Variants in SORCS3 observed in about 807,000 individuals in gnomAD.
The protein encoded by SORCS3 is VPS10 domain-containing receptor SorCS3.
Under a neutral mutation model 146.3 loss-of-function variants are expected in SORCS3, and 57 were observed. The observed-to-expected ratio is 0.39, with a 90% CI of 0.31 to 0.49. SORCS3 has a LOEUF of 0.49. Among genes scored for constraint, SORCS3 ranks in the 20% least tolerant of loss-of-function variants. The pLI, the probability that SORCS3 is intolerant of heterozygous loss-of-function variation, is 0.92. For missense variants in SORCS3, 1,341 were observed against 1,575.5 expected, an observed-to-expected ratio of 0.85 and a Z score of 2.52; for synonymous variants, 653 against 618.5, an observed-to-expected ratio of 1.06 and a Z score of -0.83.
chr10:105,089,711 A>C (rs1481453485), intron 5 of SORCS3, 64 bp from the exon 6 acceptor site: 1 of 1,343,270 alleles, frequency 7.4e-7, no homozygotes, highest in Non-Finnish European at 1.1e-6. Context: ...CCCTGAGTGC[A>C]TCCCACTTTG....
intron 8 of SORCS3, among the ~76,000 whole-genome samples, chr10:105,144,330 G>A (rs1296387102): frequency 1.3e-5 from 2 of 152,130 alleles, no homozygotes; most frequent in African/African-American, 4.8e-5. Flanking sequence ...AGTATGTGAT[G>A]TCTCCACCAT....
rs565207685 is a variant in SORCS3, at chr10:104,936,222, T to A, written c.795+20290T>A. On this transcript the variant is annotated intron_variant, in intron 3 of 26. Coordinates refer to ENST00000369701, the MANE Select transcript of SORCS3 (RefSeq NM_014978.3). ...GATATGGAAAGCTATTCATTATATGTATGTTTAAAAAGACAGGTTATAGAA... is the reference window on the plus strand; with the variant it reads ...GATATGGAAAGCTATTCATTATATGAATGTTTAAAAAGACAGGTTATAGAA... 1.0e-3 allele frequency among the ~76,000 whole-genome samples: 152 copies of A among 152,270 alleles called. 2 individuals are homozygous for A. The highest frequency in any genetic ancestry group is 3.5e-3 in the African/African-American group (147 of 41,544).
chr10:104,984,903 A>G (rs1484384419), intron 4 of SORCS3, among the ~76,000 whole-genome samples: 2 of 152,210 alleles, frequency 1.3e-5, no homozygotes, highest in African/African-American at 4.8e-5. Flanking sequence ...TTATTGCTAA[A>G]AAATGCTAAT....
At chr10:105,207,562 C>T (rs1207483254) in intron 16 of SORCS3, among the ~76,000 whole-genome samples, 1 of 152,086 alleles carries the variant, frequency 6.6e-6, no homozygotes, top group Non-Finnish European at 1.5e-5. Flanking sequence ...AGAAAAATGC[C>T]TTTCCCCAGG....
chr10:104,975,135 T>C (rs2054887496), intron 3 of SORCS3, among the ~76,000 whole-genome samples: 1 of 152,156 alleles, frequency 6.6e-6, no homozygotes, highest in Non-Finnish European at 1.5e-5. Flanking sequence ...TGTTTGCAGA[T>C]GACATGATTG....
intron 5 of SORCS3, among the ~76,000 whole-genome samples, chr10:105,073,735 G>T (rs1184949994): frequency 6.6e-6 from 1 of 152,104 alleles, no homozygotes; most frequent in African/African-American, 2.4e-5. Context: ...CAGGGGAGCT[G>T]GTACCTCGGA....
chr10:105,155,269 C>A (rs914090000), intron 9 of SORCS3, among the ~76,000 whole-genome samples: 1 of 152,176 alleles, frequency 6.6e-6, no homozygotes, highest in African/African-American at 2.4e-5. Flanking sequence ...GGCTGGAATT[C>A]TTTCTGTGAT....
chr10:104,977,832 A>G (rs766821842), intron 4 of SORCS3, among the ~76,000 whole-genome samples: 1 of 150,042 alleles, frequency 6.7e-6, no homozygotes, highest in Non-Finnish European at 1.5e-5. Flanking sequence ...CCTGGGTTCA[A>G]GCGATTCTCC....
chr10:104,983,796 C>T (rs1290583041), intron 4 of SORCS3, among the ~76,000 whole-genome samples: 8 of 151,916 alleles, frequency 5.3e-5, no homozygotes, highest in East Asian at 1.9e-4. Context: ...CTTGTCTGCC[C>T]GACCAGGCCA....
At chr10:104,904,723 T>G (rs1298771219) in intron 2 of SORCS3, among the ~76,000 whole-genome samples, 2 of 151,826 alleles carry the variant, frequency 1.3e-5, no homozygotes, top group Non-Finnish European at 2.9e-5. Context: ...ACACAAGAGT[T>G]AAAGAAAAAC....
chr10:104,642,022 G>GGGGGGGGGGGCA, intron 1 of SORCS3, 68 bp downstream of exon 1: 1 of 173,330 alleles, frequency 5.8e-6, no homozygotes, highest in Non-Finnish European at 1.1e-5. Context: ...GGGTGGGTGG[G>GGGGGGGGGGGCA]AGCGAGGGAC....
At chr10:104,716,016 C>A (rs2016472439) in intron 1 of SORCS3, among the ~76,000 whole-genome samples, 1 of 152,170 alleles carries the variant, frequency 6.6e-6, no homozygotes, top group African/African-American at 2.4e-5. Flanking sequence ...CTTGCTGCTT[C>A]CACCTCAGAG....
chr10:104,699,737 A>G (rs528729977), intron 1 of SORCS3, among the ~76,000 whole-genome samples: 1 of 152,164 alleles, frequency 6.6e-6, no homozygotes, highest in Non-Finnish European at 1.5e-5. Flanking sequence ...TGAAATGTCT[A>G]AGAATTTAGA....
At chr10:105,258,675 A>T (rs965251616) in intron 25 of SORCS3, among the ~76,000 whole-genome samples, 3 of 152,206 alleles carry the variant, frequency 2.0e-5, no homozygotes, top group African/African-American at 7.2e-5. Context: ...TAAACTCCTT[A>T]GACGGTCAAC....
At chr10:105,117,130 G>A (rs975354806) in intron 7 of SORCS3, among the ~76,000 whole-genome samples, 1 of 151,964 alleles carries the variant, frequency 6.6e-6, no homozygotes, top group Admixed American at 6.6e-5. Context: ...AATTTTCATA[G>A]GCTGTCTAGT....
chr10:104,956,774 C>T (rs1260553363), intron 3 of SORCS3, among the ~76,000 whole-genome samples: 3 of 152,074 alleles, frequency 2.0e-5, no homozygotes, highest in Admixed American at 1.3e-4. Flanking sequence ...TGATTGACCA[C>T]GTAACTGAAT....
At chr10:104,779,985 A>T (rs1364624497) in intron 1 of SORCS3, among the ~76,000 whole-genome samples, 1 of 152,086 alleles carries the variant, frequency 6.6e-6, no homozygotes, top group East Asian at 1.9e-4. Context: ...TTGACATGTG[A>T]ATTAGCCATG....
chr10:104,739,609 A>G (rs1564672419), intron 1 of SORCS3, among the ~76,000 whole-genome samples: 1 of 152,220 alleles, frequency 6.6e-6, no homozygotes, highest in East Asian at 1.9e-4. Flanking sequence ...AGTCCCTGCA[A>G]CAGGGGGAGG....
chr10:105,076,381 G>C (rs566416549), intron 5 of SORCS3, among the ~76,000 whole-genome samples: 1 of 152,186 alleles, frequency 6.6e-6, no homozygotes, highest in Non-Finnish European at 1.5e-5. Flanking sequence ...TTGAGACTGA[G>C]AATTGCAGGG....
Sources: allele counts gnomAD v4.1 joint callset (sites outside exome capture counted in the v4.1 genomes callset), GRCh38; gene constraint gnomAD v4.1.1; transcripts MANE v1.5; gene names NCBI Gene and HGNC (gene_info 2026-07-23, HGNC 2026-07-21).